The following COL4A4 variants were observed in gnomAD, a reference collection of about 807,000 sequenced individuals.
COL4A4 encodes the protein collagen type IV alpha 4 chain, also known as collagen alpha-4(IV) chain.
In COL4A4, 105 loss-of-function variants were observed where a neutral mutation model predicts 192.9. The ratio of observed to expected loss-of-function variants is 0.54; its 90% CI spans 0.46 to 0.64. The LOEUF is 0.64. Ranked by LOEUF, COL4A4 falls within the 30% of genes least tolerant of loss-of-function variation. The pLI is 0.00. For synonymous variants in COL4A4, 762 were observed against 769.9 expected, an observed-to-expected ratio of 0.99 and a Z score of 0.17; for missense variants, 1,967 against 2,169.3, an observed-to-expected ratio of 0.91 and a Z score of 1.85.
intron 19 of COL4A4, among the ~76,000 whole-genome samples, chr2:227,096,889 T>C (rs1376546412): frequency 1.3e-5 from 2 of 152,224 alleles, no homozygotes; most frequent in South Asian, 2.1e-4. Flanking sequence ...GTAAATACTG[T>C]AGATAATTAC....
intron 9 of COL4A4, chr2:227,109,525 G>A: frequency 1.5e-6 from 1 of 666,530 alleles, no homozygotes; most frequent in Non-Finnish European, 2.8e-6. Context: ...AAGTGGGGCA[G>A]ATCACGAGGT....
chr2:226,971,819 G>T, the COL4A4 span, among the ~76,000 whole-genome samples: 2 of 151,856 alleles, frequency 1.3e-5, no homozygotes, highest in Non-Finnish European at 2.9e-5. Context: ...TCCAAAGGTG[G>T]ATCTTTGTGG....
chr2:227,105,846 T>A (rs140466111), intron 12 of COL4A4, among the ~76,000 whole-genome samples: 6 of 152,298 alleles, frequency 3.9e-5, no homozygotes, highest in South Asian at 2.1e-4. Context: ...ATTTCCTTAC[T>A]TCCTTGAAAC....
chr2:226,990,093 A>G, the COL4A4 span, among the ~76,000 whole-genome samples: 1 of 152,226 alleles, frequency 6.6e-6, no homozygotes, highest in African/African-American at 2.4e-5. Context: ...CACACTATTT[A>G]TAAAGAGAGA....
chr2:227,041,840 GAAAGAAAGAGAA>G lies in COL4A4; in HGVS notation c.3505+296_3505+307del, dbSNP rs761989036. Among the ~76,000 whole-genome samples, 370 of 72,890 alleles carry G rather than the reference GAAAGAAAGAGAA, an allele frequency of 5.1e-3. 3 individuals carry two copies. Among genetic ancestry groups the G allele is most frequent in the South Asian group, 7.3e-3 (14 of 1,910 alleles). The allele number at this position is 72,890 out of a possible 152,430, so 47.8% of individuals were successfully genotyped here. ...AGAAAGAAAGAAAGAAAGAAAGAAA[GAAAGAAAGAGAA>G]AGAAAGAAAGAAAGAAAGAAAGAAA... On this transcript the variant is annotated intron_variant, in intron 37 of 47. Coordinates refer to ENST00000396625, the MANE Select transcript of COL4A4 (RefSeq NM_000092.5).
chr2:227,002,354 C>T (rs924481127), downstream of COL4A4, among the ~76,000 whole-genome samples: 20 of 152,184 alleles, frequency 1.3e-4, no homozygotes, highest in African/African-American at 4.8e-4. Context: ...TTAACTTTCA[C>T]ACCTTGAATC....
the COL4A4 span, among the ~76,000 whole-genome samples, chr2:226,983,092 CAT>C: frequency 6.6e-6 from 1 of 152,166 alleles, no homozygotes; most frequent in African/African-American, 2.4e-5. Context: ...CAAAGGCAAA[CAT>C]AACCACAGAA....
chr2:227,149,727 T>C (rs1402378332), intron 1 of COL4A4, among the ~76,000 whole-genome samples: 1 of 152,174 alleles, frequency 6.6e-6, no homozygotes, highest in Non-Finnish European at 1.5e-5. Flanking sequence ...TTCACATGTA[T>C]TGTGATAAAG....
rs776227562 is a variant in COL4A4 at position 227,010,390 on chromosome 2, A to C, written c.4445T>G (p.Leu1482Arg). The change falls in exon 46 of 48, where the codon CTG becomes CGG. Residue 1482 changes from leucine (L) to arginine (R), a missense_variant. Leu to Arg is a moderately radical substitution (Grantham distance 102, BLOSUM62 -2). Coordinates refer to ENST00000396625, the MANE Select transcript of COL4A4 (RefSeq NM_000092.5). ...CCCAGTCCAGAGCCTGGGCATGCCC[A>C]GGGGGCAGGTGGGCTCCTGGTCCGT... ...SQTDQEPTCP[L>R]GMPRLWTGYS... is the part of the protein sequence containing the mutation. The C allele has an allele frequency of 1.2e-5, 20 of 1,614,154 alleles. No homozygotes were observed. The highest frequency in any genetic ancestry group is 1.6e-5 in the Non-Finnish European group (19 of 1,179,974).
chr2:226,997,752 G>A (rs1959809172), downstream of COL4A4: 1 of 152,212 alleles, frequency 6.6e-6, no homozygotes, highest in African/African-American at 2.4e-5. Flanking sequence ...TGTTGATGGA[G>A]TGGAACATCT....
At chr2:226,967,366 T>G in the COL4A4 span, among the ~76,000 whole-genome samples, 1 of 152,168 alleles carries the variant, frequency 6.6e-6, no homozygotes, top group East Asian at 1.9e-4. Flanking sequence ...TATCTGAAGT[T>G]GAGAATTCTT....
At chr2:227,104,437 C>T (rs1389480827) in intron 12 of COL4A4, among the ~76,000 whole-genome samples, 2 of 112,198 alleles carry the variant, frequency 1.8e-5, no homozygotes, top group Non-Finnish European at 3.7e-5. Context: ...AAAAAATTAG[C>T]CGGGCGTGGT....
At chr2:227,021,919 G>A (rs1966087705) in intron 44 of COL4A4, 129 bp downstream of exon 44, 1 of 1,057,672 alleles carries the variant, frequency 9.5e-7, no homozygotes, top group Non-Finnish European at 1.4e-6. Flanking sequence ...GAAACAAATT[G>A]CAAAGGGAAA....
intron 20 of COL4A4, among the ~76,000 whole-genome samples, chr2:227,091,264 A>G (rs1474431237): frequency 6.7e-6 from 1 of 149,548 alleles, no homozygotes; most frequent in East Asian, 1.9e-4. Flanking sequence ...AGATATAGAT[A>G]TAGATATAGA....
At chr2:227,001,100 C>A (rs575064609), downstream of COL4A4, among the ~76,000 whole-genome samples, 3 of 144,350 alleles carry the variant, frequency 2.1e-5, no homozygotes, top group East Asian at 4.0e-4. Context: ...TTTCTTTTTT[C>A]TTTTTTTTTT....
At chr2:227,041,759 G>A (rs1970961620) in intron 37 of COL4A4, among the ~76,000 whole-genome samples, 2 of 119,236 alleles carry the variant, frequency 1.7e-5, no homozygotes, top group African/African-American at 6.7e-5. Flanking sequence ...AGGAAGGAAG[G>A]AAGGAAGGAA....
chr2:227,132,319 C>A (rs2062529014), intron 4 of COL4A4, among the ~76,000 whole-genome samples: 1 of 152,162 alleles, frequency 6.6e-6, no homozygotes, highest in African/African-American at 2.4e-5. Context: ...TCTTGTCTGT[C>A]TCTCGGTTTG....
chr2:227,028,203 C>T (rs1967422436), intron 41 of COL4A4, among the ~76,000 whole-genome samples, 194 bp from the exon 42 acceptor site: 2 of 151,976 alleles, frequency 1.3e-5, no homozygotes, highest in Non-Finnish European at 2.9e-5. Flanking sequence ...CATGATCGGC[C>T]GAAAGAACTA....
chr2:226,974,050 G>A, the COL4A4 span, among the ~76,000 whole-genome samples: 2 of 152,048 alleles, frequency 1.3e-5, no homozygotes, highest in Non-Finnish European at 2.9e-5. Flanking sequence ...AGTTTGTCAG[G>A]CTTTGACAGA....
Sources: gnomAD v4.1 joint callset for allele counts (sites outside exome capture counted in the v4.1 genomes callset) on GRCh38, gnomAD v4.1.1 for gene constraint, MANE v1.5 for transcripts, NCBI Gene and HGNC (gene_info 2026-07-23, HGNC 2026-07-21) for gene names.